Variants in ZNF532 observed in about 807,000 individuals in gnomAD.
ZNF532 encodes the protein zinc finger protein 532.
ZNF532 carries 22 observed loss-of-function variants against 89.3 expected under a neutral mutation model. The observed-to-expected ratio is 0.25, with a 90% confidence interval of 0.18 to 0.35. ZNF532 has a LOEUF of 0.35. Among genes scored for constraint, ZNF532 ranks in the 10% least tolerant of loss-of-function variants. ZNF532 has a pLI of 1.00. For missense variants in ZNF532, 1,132 were observed against 1,643.4 expected (o/e 0.69, Z 5.38); for synonymous variants, 606 against 649.6 (o/e 0.93, Z 1.02).
chr18:58,928,460 T>TGC (rs2061701379), intron 3 of ZNF532, among the ~76,000 whole-genome samples: 1 of 152,188 alleles, frequency 6.6e-6, no homozygotes, highest in Non-Finnish European at 1.5e-5. Context: ...AGAGCTGTGT[T>TGC]GGAATATATG....
At chr18:58,942,913 C>G (rs1055327511) in intron 5 of ZNF532, among the ~76,000 whole-genome samples, 1 of 152,080 alleles carries the variant, frequency 6.6e-6, no homozygotes, top group African/African-American at 2.4e-5. Flanking sequence ...AACCTCTCAC[C>G]CGTTTTTCTT....
chr18:58,981,525 G>A lies in ZNF532; in HGVS notation c.3319G>A (p.Val1107Ile), dbSNP rs556677319. 1.6e-5 allele frequency: 26 copies of A among 1,614,032 alleles called. No homozygotes were observed. The highest frequency in any genetic ancestry group is 1.3e-4 in the Admixed American group (8 of 60,012). ...FTKRLMLEKH[V>I]QLMHGIKDPD... ...CAAACGTTTGATGCTGGAGAAGCAC[G>A]TCCAGCTGATGCATGGCATCAAGGA... The change falls in exon 9 of 10, where the codon GTC becomes ATC. Residue 1107 changes from valine to isoleucine, a missense_variant. Coordinates refer to ENST00000591808, the MANE Select transcript of ZNF532 (RefSeq NM_001375912.1).
rs147478866 is a variant in ZNF532 at position 58,910,493 on chromosome 18, G to T, written c.-17-7778G>T. ...TAGTTTATTTTTTTTTTGAGAAAGA[G>T]TCTCGCTTCATCACTCAGGCTGGAG... On this transcript the variant is annotated intron_variant, in intron 2 of 9. Transcript: ENST00000591808. Among the ~76,000 whole-genome samples, 532 of 151,894 alleles carry T rather than the reference G, an allele frequency of 3.5e-3. 2 individuals are homozygous for T. Among genetic ancestry groups the T allele is most frequent in the African/African-American group, 0.012 (477 of 41,402 alleles).
At chr18:58,896,946 C>T (rs1244098319) in intron 2 of ZNF532, among the ~76,000 whole-genome samples, 3 of 152,168 alleles carry the variant, frequency 2.0e-5, no homozygotes, top group Non-Finnish European at 4.4e-5. Context: ...GGCAGCCCAG[C>T]GAGGTAGAGG....
At chr18:58,893,628 A>G (rs540770356) in intron 2 of ZNF532, among the ~76,000 whole-genome samples, 4 of 149,828 alleles carry the variant, frequency 2.7e-5, no homozygotes, top group South Asian at 2.1e-4. Flanking sequence ...CTGCACTTCA[A>G]TCTGGGCGAC....
chr18:58,890,055 C>G (rs1213986299), intron 2 of ZNF532, among the ~76,000 whole-genome samples: 4 of 151,664 alleles, frequency 2.6e-5, no homozygotes, highest in Admixed American at 1.3e-4. Context: ...TGCACTCCAG[C>G]CTAGGAGATG....
intron 7 of ZNF532, among the ~76,000 whole-genome samples, chr18:58,959,527 T>G (rs2065146601): frequency 6.6e-6 from 1 of 152,074 alleles, no homozygotes; most frequent in African/African-American, 2.4e-5. Context: ...GCTGGGATTA[T>G]AGGCATGAGC....
At chr18:58,934,409 T>C in intron 3 of ZNF532, 24 bp from the exon 4 acceptor site, 1 of 1,608,436 alleles carries the variant, frequency 6.2e-7, no homozygotes. Flanking sequence ...GGACCAACCC[T>C]GTTTCCCCCT....
intron 2 of ZNF532, among the ~76,000 whole-genome samples, chr18:58,901,989 A>G (rs1352700765): frequency 6.6e-6 from 1 of 152,070 alleles, no homozygotes; most frequent in Non-Finnish European, 1.5e-5. Context: ...TTCTTAGCCC[A>G]CTTCCTCTTT....
chr18:58,910,680 G>C (rs1468030935), intron 2 of ZNF532, among the ~76,000 whole-genome samples: 7 of 151,934 alleles, frequency 4.6e-5, no homozygotes, highest in African/African-American at 1.7e-4. Flanking sequence ...TCATCATGTT[G>C]GCCAGGCTGG....
At chr18:58,936,268 A>G (rs974089387) in intron 4 of ZNF532, among the ~76,000 whole-genome samples, 3 of 152,252 alleles carry the variant, frequency 2.0e-5, no homozygotes, top group African/African-American at 7.2e-5. Flanking sequence ...TGCAAAGTCC[A>G]TGCAGAATAA....
chr18:58,868,911 A>G (rs1173504217), intron 2 of ZNF532, among the ~76,000 whole-genome samples: 2 of 152,234 alleles, frequency 1.3e-5, no homozygotes, highest in African/African-American at 4.8e-5. Flanking sequence ...GTAGCCTACT[A>G]TAGCCTACTA....
intron 2 of ZNF532, among the ~76,000 whole-genome samples, chr18:58,916,949 G>C (rs2060643312): frequency 1.3e-5 from 2 of 152,192 alleles, no homozygotes; most frequent in African/African-American, 4.8e-5. Flanking sequence ...CACTAAAGCA[G>C]ATTCGAAGGA....
intron 2 of ZNF532, among the ~76,000 whole-genome samples, chr18:58,874,804 C>G (rs1211100534): frequency 1.3e-5 from 2 of 152,130 alleles, no homozygotes; most frequent in East Asian, 3.8e-4. Flanking sequence ...TAGCAAAAGC[C>G]TATATTCTGA....
At chr18:58,896,912 C>A (rs1457330307) in intron 2 of ZNF532, among the ~76,000 whole-genome samples, 1 of 152,190 alleles carries the variant, frequency 6.6e-6, no homozygotes, top group Non-Finnish European at 1.5e-5. Context: ...ATCCCTGTCC[C>A]ATGTGACCAT....
intron 7 of ZNF532, among the ~76,000 whole-genome samples, chr18:58,961,848 A>G (rs897201822): frequency 6.6e-6 from 1 of 152,242 alleles, no homozygotes; most frequent in African/African-American, 2.4e-5. Context: ...GGGGCCATGC[A>G]TGAGTGAAAT....
In ZNF532 at chr18:58,984,368, G is replaced by A. The variant is rs534077528; in HGVS notation, c.3808G>A (p.Ala1270Thr). 236 of 1,611,818 alleles carry A rather than the reference G, an allele frequency of 1.5e-4. No homozygotes were observed. The highest frequency in any genetic ancestry group is 1.8e-4 in the Non-Finnish European group (215 of 1,179,842). The change falls in exon 10 of 10, where the codon GCA (alanine) becomes ACA (threonine). Residue 1270 changes from alanine (A) to threonine (T), a missense_variant. Around this residue, in one of 9 missense-constraint regions of ZNF532, gnomAD observed 415 missense variants for 604.8 expected, o/e 0.69. Transcript: ENST00000591808. ...AVSDRKCKVC[A>T]KTFETEAALN... is the part of the protein sequence containing the mutation. The stretch of plus-strand genomic sequence containing the variant: ...GTCAGACAGAAAGTGCAAAGTGTGC[G>A]CAAAAACTTTTGAAACTGAAGCTGC...
intron 7 of ZNF532, among the ~76,000 whole-genome samples, chr18:58,970,824 G>A (rs935027613): frequency 1.3e-5 from 2 of 152,240 alleles, no homozygotes; most frequent in Non-Finnish European, 2.9e-5. Flanking sequence ...GGACACAGAG[G>A]CCCCTGGCAG....
At chr18:58,872,936 G>A (rs1269355731) in intron 2 of ZNF532, among the ~76,000 whole-genome samples, 2 of 151,816 alleles carry the variant, frequency 1.3e-5, no homozygotes, top group East Asian at 1.9e-4. Context: ...CTGACCCTGT[G>A]GTCTGCCCAC....
Sources: gnomAD v4.1 joint callset for allele counts (sites outside exome capture counted in the v4.1 genomes callset) on GRCh38, gnomAD v4.1.1 for gene constraint, gnomAD v4.1.1 regional missense constraint, MANE v1.5 for transcripts, NCBI Gene and HGNC (gene_info 2026-07-23, HGNC 2026-07-21) for gene names.